Variants in FERMT1 observed in about 807,000 individuals in gnomAD.
The protein encoded by FERMT1 is fermitin family homolog 1.
FERMT1 carries 60 observed loss-of-function variants against 85.3 expected under a neutral mutation model. The observed-to-expected ratio is 0.70, with a 90% CI of 0.57 to 0.87. FERMT1 has a LOEUF of 0.87. Among genes scored for constraint, FERMT1 ranks in the 40% least tolerant of loss-of-function variants. The pLI, the probability that FERMT1 is intolerant of heterozygous loss-of-function variation, is 0.00. For synonymous variants in FERMT1, 275 were observed against 301.1 expected, an observed-to-expected ratio of 0.91 and a Z score of 0.90; for missense variants, 701 against 818.9, an observed-to-expected ratio of 0.86 and a Z score of 1.76.
At chr20:6,116,896 C>G (rs980662486) in intron 2 of FERMT1, among the ~76,000 whole-genome samples, 1 of 152,182 alleles carries the variant, frequency 6.6e-6, no homozygotes, top group Admixed American at 6.5e-5. Flanking sequence ...TTTGTTTAAT[C>G]AAGATTATTT....
chr20:6,085,846 C>CAAAAA (rs10700226), intron 11 of FERMT1, among the ~76,000 whole-genome samples: 29 of 140,828 alleles, frequency 2.1e-4, no homozygotes, highest in African/African-American at 7.3e-4. Context: ...AATACTTTGT[C>CAAAAA]AAAAAAAAAA....
At chr20:6,116,536 C>T (rs965415013) in intron 2 of FERMT1, among the ~76,000 whole-genome samples, 2 of 151,890 alleles carry the variant, frequency 1.3e-5, no homozygotes, top group East Asian at 1.9e-4. Flanking sequence ...GAGACCAGCC[C>T]GGCCTACATG....
intron 11 of FERMT1, among the ~76,000 whole-genome samples, chr20:6,086,128 G>A (rs191924668): frequency 1.1e-3 from 160 of 148,722 alleles, no homozygotes; most frequent in Middle Eastern, 3.5e-3. Flanking sequence ...GTGACAGAGC[G>A]AGACTCCATC....
chr20:6,114,688 T>A (rs973127008), intron 3 of FERMT1, among the ~76,000 whole-genome samples: 1 of 152,220 alleles, frequency 6.6e-6, no homozygotes, highest in Non-Finnish European at 1.5e-5. Flanking sequence ...AGTTATTGTA[T>A]GCTAGGCATT....
intron 13 of FERMT1, among the ~76,000 whole-genome samples, chr20:6,080,142 G>GC (rs890298214): frequency 9.9e-5 from 15 of 152,056 alleles, no homozygotes; most frequent in Non-Finnish European, 1.9e-4. Flanking sequence ...AGAGGGCACA[G>GC]CCACTTAAAA....
chr20:6,087,921 G>A, intron 10 of FERMT1, 38 bp from the exon 11 acceptor site: 1 of 1,112,042 alleles, frequency 9.0e-7, no homozygotes, highest in Non-Finnish European at 1.4e-6. Context: ...TGAGTTCTGA[G>A]GCATCTGTTA....
chr20:6,103,378 C>T (rs1417079395), intron 6 of FERMT1, among the ~76,000 whole-genome samples: 2 of 152,280 alleles, frequency 1.3e-5, no homozygotes, highest in East Asian at 3.9e-4. Context: ...ATAATAACCG[C>T]CCCTGTATAC....
intron 6 of FERMT1, among the ~76,000 whole-genome samples, chr20:6,107,199 CAAAAAAAA>C (rs59180891): frequency 2.2e-5 from 2 of 92,646 alleles, no homozygotes; most frequent in Admixed American, 1.3e-4. Context: ...CTGTCTCAAC[CAAAAAAAA>C]AAAAAAAAAA....
intron 14 of FERMT1, among the ~76,000 whole-genome samples, chr20:6,078,648 T>TG (rs1981902332): frequency 7.6e-6 from 1 of 131,198 alleles, no homozygotes; most frequent in African/African-American, 2.9e-5. Flanking sequence ...TTTTTTTTGT[T>TG]TTTTTTTTTT....
rs759866145 is a variant in FERMT1, at chr20:6,087,784, C to T, written c.1364G>A (p.Cys455Tyr). ...TTTTGGGGTTTTACTCACATGGTCA[C>T]ATCTCAAATACATTTCATTCATACC... is the stretch of plus-strand genomic sequence containing the variant. ...ADGMNEMYLR[C>Y]DHENQYAQWM... Residue 455 changes from cysteine to tyrosine, a missense_variant, in exon 11 of 15, where the codon TGT (cysteine) becomes TAT (tyrosine). Cys to Tyr is a radical substitution (Grantham distance 194, BLOSUM62 -2). Transcript: ENST00000217289. The T allele has an allele frequency of 6.4e-6, 10 of 1,572,406 alleles. No individual in the cohort carries two copies. In the African/African-American group the frequency reaches 1.1e-4, roughly 17 times the overall value.
Position 6,085,064 on chromosome 20 carries a change from A to G in FERMT1, c.1593+2T>C, listed in dbSNP as rs752760295. ...CAATTGCCCTAACAAGATTAACAGT[A>G]CCTGTTTGGATTTGTGTCTTTTTGC... On this transcript the variant is annotated splice_donor_variant, in intron 12 of 14. Transcript: ENST00000217289. LOFTEE classifies it high-confidence loss of function. 6.2e-7 allele frequency: 1 copy of G among 1,608,690 alleles called. No homozygotes were observed. Among genetic ancestry groups the G allele is most frequent in the Non-Finnish European group, 8.5e-7 (1 of 1,175,076 alleles).
At chr20:6,108,597 G>T (rs369721541) in intron 5 of FERMT1, among the ~76,000 whole-genome samples, 22 of 152,190 alleles carry the variant, frequency 1.4e-4, no homozygotes, top group African/African-American at 5.3e-4. Context: ...ATCACCTGAG[G>T]TCAGGAGTTT....
At chr20:6,077,906 G>A (rs574951608) in intron 14 of FERMT1, among the ~76,000 whole-genome samples, 37 of 152,184 alleles carry the variant, frequency 2.4e-4, no homozygotes, top group Admixed American at 1.3e-3. Context: ...GGTCTTGAAC[G>A]CCTGACCTCA....
At chr20:6,094,519 C>T (rs1443729121) in intron 9 of FERMT1, among the ~76,000 whole-genome samples, 12 of 152,114 alleles carry the variant, frequency 7.9e-5, no homozygotes, top group Non-Finnish European at 1.8e-4. Flanking sequence ...CTGAGCCTCC[C>T]AGATGGAACC....
Position 6,112,598 on chromosome 20 carries a change from G to C in FERMT1, c.411C>G (p.Ser137=), listed in dbSNP as rs766824093. The C allele has an allele frequency of 1.9e-6, 3 of 1,590,438 alleles. No homozygotes were observed. Among genetic ancestry groups the C allele is most frequent in the African/African-American group, 2.7e-5 (2 of 73,830 alleles). Residue 137 remains serine, a synonymous_variant, in exon 4 of 15, where the codon TCC becomes TCG. Coordinates refer to ENST00000217289, the MANE Select transcript of FERMT1 (RefSeq NM_017671.5). The part of the protein sequence containing the change: ...ILNIRRSEEL[S]LLKPSGDYFK... ...AATAGTCACCAGACGGCTTTAACAA[G>C]GAAAGCTCTTCTGATCTTCTAATAT...
intron 7 of FERMT1, 28 bp from the exon 8 acceptor site, chr20:6,097,061 T>A (rs1235607028): frequency 1.2e-6 from 2 of 1,607,556 alleles, no homozygotes; most frequent in Non-Finnish European, 1.7e-6. Context: ...GTTTTAGAAA[T>A]GTTATAAACA....
At chr20:6,096,806 ATCAGATG>A in intron 8 of FERMT1, 89 bp downstream of exon 8, 88 of 1,035,900 alleles carry the variant, frequency 8.5e-5, no homozygotes, top group Non-Finnish European at 1.1e-4. Context: ...TTTTTTCAAA[ATCAGATG>A]AAATATTCTC....
chr20:6,115,085 T>A (rs1386456947), intron 3 of FERMT1, among the ~76,000 whole-genome samples: 1 of 152,200 alleles, frequency 6.6e-6, no homozygotes, highest in Non-Finnish European at 1.5e-5. Context: ...GAAAAATAGA[T>A]TACTCACTAT....
chr20:6,111,773 C>A (rs1282048380), intron 4 of FERMT1, among the ~76,000 whole-genome samples: 1 of 152,132 alleles, frequency 6.6e-6, no homozygotes, highest in Non-Finnish European at 1.5e-5. Flanking sequence ...CTCTTGCATG[C>A]CCCATAAAAA....
Sources: allele counts gnomAD v4.1 joint callset (sites outside exome capture counted in the v4.1 genomes callset), GRCh38; gene constraint gnomAD v4.1.1; transcripts MANE v1.5; gene names NCBI Gene and HGNC (gene_info 2026-07-23, HGNC 2026-07-21).